IQGAP3: variants seen among roughly 807,000 people sequenced by gnomAD.
IQGAP3 encodes ras GTPase-activating-like protein IQGAP3.
IQGAP3 carries 165 observed loss-of-function variants against 208.2 expected under a neutral mutation model. The ratio of observed to expected loss-of-function variants is 0.79; its 90% CI spans 0.70 to 0.90. The LOEUF (loss-of-function observed/expected upper bound fraction) is 0.90, where lower values mean the gene tolerates loss of function less well. Among genes scored for constraint, IQGAP3 ranks in the 40% least tolerant of loss-of-function variants. The pLI, the probability that IQGAP3 is intolerant of heterozygous loss-of-function variation, is 0.00. For synonymous variants in IQGAP3, 703 were observed against 803.6 expected (o/e 0.87, Z 2.12); for missense variants, 1,811 against 2,043.1 (o/e 0.89, Z 2.19).
rs1281557043 is a variant in IQGAP3 at position 156,572,522 on chromosome 1, C to T, written c.8G>A (p.Arg3Lys). The change falls in exon 1 of 38, where the codon AGG (arginine) becomes AAG (lysine). Residue 3 changes from arginine to lysine, a missense_variant. By Grantham distance (26) the Arg-to-Lys change is conservative. Coordinates refer to ENST00000361170, the MANE Select transcript of IQGAP3 (RefSeq NM_178229.5). ...TGCCCAGCCTGGGCCCGCTGCTCTC[C>T]TCTCCATGTTCCTCCTTCTTCCAGG... ME[R>K]RAAGPGWAAY... The T allele has an allele frequency of 2.5e-6, 4 of 1,612,618 alleles. No homozygotes were observed. Among genetic ancestry groups the T allele is most frequent in the Non-Finnish European group, 3.4e-6 (4 of 1,179,986 alleles).
intron 27 of IQGAP3, among the ~76,000 whole-genome samples, chr1:156,536,268 T>A (rs975590185): frequency 1.3e-5 from 2 of 151,804 alleles, no homozygotes; most frequent in African/African-American, 2.4e-5. Flanking sequence ...ATAATAATAA[T>A]AAAAAATAAA....
At chr1:156,527,057 T>TCCGCCC (rs763477344) in intron 37 of IQGAP3, among the ~76,000 whole-genome samples, 1 of 151,072 alleles carries the variant, frequency 6.6e-6, no homozygotes, top group Non-Finnish European at 1.5e-5. Flanking sequence ...GGTCTTGAAC[T>TCCGCCC]GCTGACCTCG....
rs1676235576 is a variant in IQGAP3 at position 156,563,150 on chromosome 1, G to A, written c.782C>T (p.Ala261Val). The A allele has an allele frequency of 2.5e-6, 4 of 1,600,734 alleles. No individual in the cohort carries two copies. Among genetic ancestry groups the A allele is most frequent in the African/African-American group, 2.7e-5 (2 of 74,568 alleles). The change falls in exon 8 of 38, where the codon GCC becomes GTC. Residue 261 changes from alanine to valine, a missense_variant. By Grantham distance (64) the Ala-to-Val change is moderately conservative (BLOSUM62 0). Transcript: ENST00000361170. ...MLAQAKMEKA[A>V]NARNHDDRES... ...ACTCCTTACATGGTTCCTGGCATTG[G>A]CTGCCTTCTCCATCTTGGCCTGGGC...
At position 156,567,373 on chromosome 1, in the gene IQGAP3, C is replaced by T. The variant is rs149614661; in HGVS notation, c.126-827G>A. On this transcript the variant is annotated intron_variant, in intron 2 of 37. Coordinates refer to ENST00000361170, the MANE Select transcript of IQGAP3 (RefSeq NM_178229.5). ...CAGAACGACCACAGCTCTTGGAGTC[C>T]GAAGGCCCCCTTTCCAACCATCTTC... is the stretch of plus-strand genomic sequence containing the variant. Among the ~76,000 whole-genome samples the T allele has an allele frequency of 1.5e-4, 23 of 152,224 alleles. 1 individual carries two copies. In the East Asian group the frequency reaches 3.5e-3, roughly 23 times the overall value.
At chr1:156,540,948 C>A in intron 22 of IQGAP3, 32 bp from the exon 23 acceptor site, 1 of 1,578,314 alleles carries the variant, frequency 6.3e-7, no homozygotes, top group African/African-American at 1.3e-5. Context: ...TCAGGATTAG[C>A]CATGCCTCAT....
intron 11 of IQGAP3, among the ~76,000 whole-genome samples, chr1:156,559,514 T>C (rs973010571): frequency 3.3e-5 from 5 of 152,234 alleles, no homozygotes; most frequent in Non-Finnish European, 5.9e-5. Flanking sequence ...GTCAATGTCA[T>C]GTTAGAAGTC....
rs376754042 is a variant in IQGAP3 at position 156,537,151 on chromosome 1, C to A, written c.3422+30G>T. 15 of 1,601,842 alleles carry A rather than the reference C, an allele frequency of 9.4e-6. No individual in the cohort carries two copies. In the African/African-American group the frequency reaches 1.6e-4, roughly 17 times the overall value. The stretch of plus-strand genomic sequence containing the variant: ...GGCCTGGCCCTCTTGAAATCCCATG[C>A]GTAGGCTGGGGTGGGGCTGTTGCAC... On this transcript the variant is annotated intron_variant, in intron 27 of 37. Transcript: ENST00000361170.
At chr1:156,563,734 G>T (rs765829657) in intron 6 of IQGAP3, 23 bp downstream of exon 6, 2 of 1,611,900 alleles carry the variant, frequency 1.2e-6, no homozygotes, top group South Asian at 2.2e-5. Flanking sequence ...GGCTGTGGTG[G>T]TCAGGGAAGG....
At chr1:156,543,028 C>A (rs933931455) in intron 22 of IQGAP3, among the ~76,000 whole-genome samples, 1 of 151,254 alleles carries the variant, frequency 6.6e-6, no homozygotes, top group African/African-American at 2.4e-5. Flanking sequence ...AATGGTAGAG[C>A]TCTGAGTAAA....
At chr1:156,567,070 T>C (rs967586194) in intron 2 of IQGAP3, among the ~76,000 whole-genome samples, 1 of 152,150 alleles carries the variant, frequency 6.6e-6, no homozygotes, top group African/African-American at 2.4e-5. Context: ...TTTCTCCATG[T>C]TGGTCAGGCT....
rs34641885 is a variant in IQGAP3 at position 156,545,503 on chromosome 1, CT to C, written c.2305-1032del. Reference sequence around the variant, plus strand: ...TTGTTCCCACTGAAATACTTCCTGTCTTTTTTTTTTTTTTGAGACAGGGTCT... The same window carrying C: ...TTGTTCCCACTGAAATACTTCCTGTCTTTTTTTTTTTTTGAGACAGGGTCT... On this transcript the variant is annotated intron_variant, in intron 19 of 37. Coordinates refer to ENST00000361170, the MANE Select transcript of IQGAP3 (RefSeq NM_178229.5). Among the ~76,000 whole-genome samples the C allele has an allele frequency of 1.5e-3, 211 of 142,370 alleles. 1 individual carries two copies. Among genetic ancestry groups the C allele is most frequent in the East Asian group, 2.9e-3 (14 of 4,886 alleles). 93.4% of individuals were successfully genotyped at this position (142,370 alleles called of 152,430 possible).
At chr1:156,550,122 TG>T in intron 16 of IQGAP3, 138 bp downstream of exon 16, 1 of 637,584 alleles carries the variant, frequency 1.6e-6, no homozygotes, top group Middle Eastern at 4.2e-4. Context: ...GCAGCCCTCC[TG>T]CTCTGACTCT....
Position 156,569,427 on chromosome 1 carries a change from C to T in IQGAP3, c.74G>A (p.Arg25Lys), listed in dbSNP as rs1295772928. Residue 25 changes from arginine to lysine, a missense_variant, in exon 2 of 38, where the codon AGG (arginine) becomes AAG (lysine). Coordinates refer to ENST00000361170, the MANE Select transcript of IQGAP3 (RefSeq NM_178229.5). Reference sequence around the variant, plus strand: ...GTACTGATAGGCAACATTCTGCCGCCTCTGCTCATCCATCTCCTCAGCTGT... The same window carrying T: ...GTACTGATAGGCAACATTCTGCCGCTTCTGCTCATCCATCTCCTCAGCTGT... ...RLTAEEMDEQ[R>K]RQNVAYQYLC... 3 of 1,613,118 alleles carry T rather than the reference C, an allele frequency of 1.9e-6. No homozygotes were observed. Among genetic ancestry groups the T allele is most frequent in the Non-Finnish European group, 2.5e-6 (3 of 1,179,676 alleles).
chr1:156,563,077 T>A, intron 8 of IQGAP3, 57 bp downstream of exon 8: 1 of 1,461,600 alleles, frequency 6.8e-7, no homozygotes. Flanking sequence ...CCGGTTTCAC[T>A]TGAGACTTTC....
Position 156,566,413 on chromosome 1 carries a change from C to G in IQGAP3, c.259G>C (p.Asp87His). 1 of 1,614,144 alleles carries G rather than the reference C, an allele frequency of 6.2e-7. No homozygotes were observed. ...ACCTGGTACCGCAGCTGCTCCACAT[C>G]GTAGATCTTCTTCAAGGGAACCACG... ...PSVVPLKKIY[D>H]VEQLRYQATG... Residue 87 changes from aspartate (D) to histidine (H), a missense_variant, in exon 3 of 38, where the codon GAT becomes CAT. Transcript: ENST00000361170.
intron 32 of IQGAP3, among the ~76,000 whole-genome samples, chr1:156,532,279 C>G (rs1048357353): frequency 6.6e-6 from 1 of 150,732 alleles, no homozygotes; most frequent in East Asian, 2.0e-4. Context: ...CCCAGCTACT[C>G]AGGAGGCTGA....
chr1:156,533,450 A>G (rs1248764014), intron 31 of IQGAP3, among the ~76,000 whole-genome samples: 1 of 152,100 alleles, frequency 6.6e-6, no homozygotes, highest in Admixed American at 6.5e-5. Flanking sequence ...CCTTCCTCCC[A>G]GTAAGTTGGC....
At chr1:156,536,944 G>T in intron 27 of IQGAP3, 2 of 383,710 alleles carry the variant, frequency 5.2e-6, no homozygotes, top group Non-Finnish European at 9.3e-6. Context: ...TCCCTCCTCT[G>T]GTTCCACTGA....
At position 156,548,353 on chromosome 1, in the gene IQGAP3, T is replaced by A; in HGVS notation, c.2128A>T (p.Ile710Phe). The A allele has an allele frequency of 6.2e-7, 1 of 1,613,196 alleles. No individual in the cohort carries two copies. Residue 710 changes from isoleucine (I) to phenylalanine (F), a missense_variant, in exon 18 of 38, where the codon ATC (isoleucine) becomes TTC (phenylalanine). Ile to Phe is a conservative substitution (Grantham distance 21). Transcript: ENST00000361170. ...CTTGCAGGGGCTCTGCCAACCTGGA[T>A]CTCCTCCCGGGTCAGGTGAGAGGTG... ...LNTSHLTREEIQSAVTKVTAA... is the reference protein window; with the variant it reads ...LNTSHLTREEFQSAVTKVTAA...
Sources: gnomAD v4.1 joint callset for allele counts (sites outside exome capture counted in the v4.1 genomes callset) on GRCh38, gnomAD v4.1.1 for gene constraint, MANE v1.5 for transcripts, NCBI Gene and HGNC (gene_info 2026-07-23, HGNC 2026-07-21) for gene names.